Variants in KAZN observed in about 807,000 individuals in gnomAD.
The protein encoded by KAZN is kazrin.
A neutral mutation model predicts 87.4 loss-of-function variants in KAZN; 40 were observed. That is an observed-to-expected ratio of 0.46 (90% CI 0.36 to 0.60). The LOEUF is 0.60. KAZN is among the 20% of genes least tolerant of loss of function. The probability of loss-of-function intolerance (pLI) is 0.00; values close to 1 mark genes in which losing one functional copy is unlikely to be tolerated. For synonymous variants in KAZN, 466 were observed against 458.3 expected (o/e 1.02, Z -0.22); for missense variants, 898 against 1,073.9 (o/e 0.84, Z 2.29).
intron 2 of KAZN, among the ~76,000 whole-genome samples, chr1:14,382,496 GTGTGATGTTCCCCTTCC>G (rs1255562245): frequency 2.7e-4 from 29 of 107,806 alleles, no homozygotes; most frequent in African/African-American, 1.1e-3. Flanking sequence ...AGGCCCCAGA[GTGTGATGTTCCCCTTCC>G]TGTGTCCATG....
chr1:14,523,731 G>T (rs934377890), intron 2 of KAZN, among the ~76,000 whole-genome samples: 2 of 152,168 alleles, frequency 1.3e-5, no homozygotes, highest in Admixed American at 1.3e-4. Flanking sequence ...AAGAAGCATG[G>T]TCTGGTTGAT....
intron 2 of KAZN, among the ~76,000 whole-genome samples, chr1:14,455,356 T>G (rs1188225277): frequency 6.6e-6 from 1 of 152,212 alleles, no homozygotes; most frequent in African/African-American, 2.4e-5. Context: ...AGAGATATCA[T>G]GTCTCACTGT....
At chr1:14,158,924 CT>C (rs1160628236) in intron 1 of KAZN, among the ~76,000 whole-genome samples, 1 of 152,118 alleles carries the variant, frequency 6.6e-6, no homozygotes, top group East Asian at 1.9e-4. Context: ...GAGAGACATT[CT>C]TTTTTTCTTC....
At chr1:14,179,089 G>A (rs192801924) in intron 1 of KAZN, among the ~76,000 whole-genome samples, 297 of 152,214 alleles carry the variant, frequency 2.0e-3, no homozygotes, top group African/African-American at 6.5e-3. Flanking sequence ...TTTCCTGCAC[G>A]TTTTTCTTGC....
intron 1 of KAZN, among the ~76,000 whole-genome samples, chr1:14,914,488 C>G (rs188727278): frequency 1.1e-3 from 167 of 152,306 alleles, no homozygotes; most frequent in African/African-American, 3.9e-3. Flanking sequence ...CTCTATTGTT[C>G]CAACTTCCTT....
intron 2 of KAZN, among the ~76,000 whole-genome samples, chr1:14,474,120 T>C (rs909693176): frequency 6.6e-6 from 1 of 152,184 alleles, no homozygotes; most frequent in Non-Finnish European, 1.5e-5. Context: ...CCAGCACTGA[T>C]AAGAGAACCT....
At chr1:14,032,832 C>T (rs1291951259) in intron 1 of KAZN, among the ~76,000 whole-genome samples, 2 of 152,154 alleles carry the variant, frequency 1.3e-5, no homozygotes, top group African/African-American at 4.8e-5. Context: ...TAAGCATACA[C>T]TAAGTGCCAG....
intron 2 of KAZN, among the ~76,000 whole-genome samples, chr1:14,220,953 C>T (rs192731292): frequency 1.3e-5 from 2 of 152,270 alleles, no homozygotes; most frequent in Non-Finnish European, 2.9e-5. Context: ...AAGCAGCTTC[C>T]TCCGCTTATC....
chr1:14,140,543 G>T (rs546217916), intron 1 of KAZN, among the ~76,000 whole-genome samples: 1 of 151,844 alleles, frequency 6.6e-6, no homozygotes, highest in Non-Finnish European at 1.5e-5. Context: ...CCCCCTTTTC[G>T]CTATCCCATA....
intron 4 of KAZN, among the ~76,000 whole-genome samples, chr1:15,055,203 G>T (rs1184774781): frequency 6.6e-6 from 1 of 152,208 alleles, no homozygotes; most frequent in East Asian, 1.9e-4. Flanking sequence ...GGGGCCGGGC[G>T]CAGTGGCTCA....
At chr1:14,254,085 G>T (rs1650289391) in intron 2 of KAZN, among the ~76,000 whole-genome samples, 1 of 152,056 alleles carries the variant, frequency 6.6e-6, no homozygotes, top group African/African-American at 2.4e-5. Flanking sequence ...TGTTCTATCT[G>T]ATCTGCTTTT....
At chr1:14,833,260 G>T (rs1647104325) in intron 1 of KAZN, among the ~76,000 whole-genome samples, 1 of 152,150 alleles carries the variant, frequency 6.6e-6, no homozygotes, top group Non-Finnish European at 1.5e-5. Context: ...ATCCATGCTG[G>T]ACAGAAAGAA....
At chr1:14,141,412 TC>T (rs1168009637) in intron 1 of KAZN, among the ~76,000 whole-genome samples, 1 of 151,646 alleles carries the variant, frequency 6.6e-6, no homozygotes, top group African/African-American at 2.4e-5. Context: ...TCTCCAAGGG[TC>T]AGCCCCATAG....
chr1:14,689,549 G>A (rs971297621), intron 1 of KAZN, among the ~76,000 whole-genome samples: 1 of 152,210 alleles, frequency 6.6e-6, no homozygotes, highest in Non-Finnish European at 1.5e-5. Flanking sequence ...AAGTGTAAGA[G>A]AATTGGTCTG....
intron 2 of KAZN, among the ~76,000 whole-genome samples, chr1:14,431,063 C>T (rs1666038969): frequency 6.6e-6 from 1 of 152,128 alleles, no homozygotes. Context: ...GCAATAAATG[C>T]TTATTGAGTA....
intron 2 of KAZN, among the ~76,000 whole-genome samples, chr1:14,420,539 G>A (rs1421942289): frequency 2.0e-5 from 3 of 152,196 alleles, no homozygotes; most frequent in Non-Finnish European, 2.9e-5. Flanking sequence ...GGGACCAGGT[G>A]CCGCGGAGCA....
intron 2 of KAZN, among the ~76,000 whole-genome samples, chr1:14,220,566 G>T (rs1250420465): frequency 6.6e-6 from 1 of 152,246 alleles, no homozygotes; most frequent in South Asian, 2.1e-4. Context: ...AATTGGCAGG[G>T]TCTACCCTCA....
chr1:13,896,196 C>T (rs997188440), intron 1 of KAZN, among the ~76,000 whole-genome samples: 1 of 152,164 alleles, frequency 6.6e-6, no homozygotes, highest in Non-Finnish European at 1.5e-5. Flanking sequence ...ATATTGTTGG[C>T]TTTATAGTCT....
chr1:14,731,629 T>C (rs1308683443), intron 1 of KAZN, among the ~76,000 whole-genome samples: 1 of 152,218 alleles, frequency 6.6e-6, no homozygotes, highest in Non-Finnish European at 1.5e-5. Context: ...ATATGGTAGA[T>C]GTGGCTCAGA....
Sources: gnomAD v4.1 joint callset for allele counts (sites outside exome capture counted in the v4.1 genomes callset) on GRCh38, gnomAD v4.1.1 for gene constraint, MANE v1.5 for transcripts, NCBI Gene and HGNC (gene_info 2026-07-23, HGNC 2026-07-21) for gene names.